The following MPP2 variants were observed in gnomAD, a reference collection of about 807,000 sequenced individuals.
MPP2 encodes the protein MAGUK p55 subfamily member 2.
In MPP2, 42 loss-of-function variants were observed where a neutral mutation model predicts 58.5. That is an observed-to-expected ratio of 0.72 (90% confidence interval 0.56 to 0.93). MPP2 has a LOEUF of 0.93. Among genes scored for constraint, MPP2 ranks in the 40% least tolerant of loss-of-function variants. MPP2 has a pLI of 0.00. For synonymous variants in MPP2, 300 were observed against 307.8 expected, an observed-to-expected ratio of 0.97 and a Z score of 0.26; for missense variants, 632 against 760.4, an observed-to-expected ratio of 0.83 and a Z score of 1.99.
At chr17:43,909,619 C>T (rs2048386286), upstream of MPP2, 2 of 1,470,402 alleles carry the variant, frequency 1.4e-6, no homozygotes, top group Non-Finnish European at 1.8e-6. Flanking sequence ...TTCTGGCCCA[C>T]CTGGGGAGGT....
chr17:43,908,114 G>C (rs2143824734), upstream of MPP2, among the ~76,000 whole-genome samples: 2 of 152,290 alleles, frequency 1.3e-5, no homozygotes, highest in East Asian at 3.9e-4. Context: ...GCCTCTTTTA[G>C]GTCTAGGTGA....
At chr17:43,902,057 A>G (rs1002017856) in intron 2 of MPP2, among the ~76,000 whole-genome samples, 3 of 152,186 alleles carry the variant, frequency 2.0e-5, no homozygotes, top group African/African-American at 4.8e-5. Context: ...ACCACCAGAT[A>G]ATAAGGGGCA....
chr17:43,885,937 C>G (rs1226941815), intron 3 of MPP2, among the ~76,000 whole-genome samples: 1 of 151,948 alleles, frequency 6.6e-6, no homozygotes, highest in Non-Finnish European at 1.5e-5. Flanking sequence ...TGGTGAAACA[C>G]CATCTCTACC....
intron 3 of MPP2, among the ~76,000 whole-genome samples, chr17:43,894,614 A>AG (rs1249147960): frequency 9.2e-5 from 4 of 43,598 alleles, no homozygotes; most frequent in Non-Finnish European, 1.5e-4. Context: ...GAGACTCCAG[A>AG]GGAAAAAAAA....
intron 4 of MPP2, 46 bp downstream of exon 4, chr17:43,883,157 T>C (rs1275405288): frequency 6.4e-7 from 1 of 1,565,340 alleles, no homozygotes; most frequent in South Asian, 1.2e-5. Flanking sequence ...CATGCCCCAG[T>C]CCACCCACCT....
rs1233969135 is a variant in MPP2 at position 43,879,389 on chromosome 17, T to C, written c.1368A>G (p.Leu456=). 1 of 1,614,138 alleles carries C rather than the reference T, an allele frequency of 6.2e-7. No homozygotes were observed. Among genetic ancestry groups the C allele is most frequent in the African/African-American group, 1.3e-5 (1 of 75,048 alleles). Residue 456 remains leucine (L), a synonymous_variant, in exon 12 of 13, where the codon CTA becomes CTG. Transcript: ENST00000269095. This position sits in a 1 kb window ranked among gnomAD's most constrained non-coding sequence, Gnocchi z 4.1. ...LDVNPQAVKV[L]RTAEFVPYVV... ...CGTAAGGGACAAACTCGGCCGTTCGTAGCACCTTCACCGCCTGCAGAAGGA... is the reference window on the plus strand; with the variant it reads ...CGTAAGGGACAAACTCGGCCGTTCGCAGCACCTTCACCGCCTGCAGAAGGA...
Position 43,880,660 on chromosome 17 carries a change from C to A in MPP2, c.1150+31G>T, listed in dbSNP as rs2047067425. 1 of 1,572,560 alleles carries A rather than the reference C, an allele frequency of 6.4e-7. No individual in the cohort carries two copies. On this transcript the variant is annotated intron_variant, in intron 10 of 12. Transcript: ENST00000269095. The surrounding 1 kb of genome is among the most constrained non-coding windows in gnomAD (Gnocchi z 5.2). Reference sequence around the variant, plus strand: ...CCCCAGGGGAGCCCTGCTCCTTGTCCCCAACTCAGCAGGGCCCAGCTCCCA... The same window carrying A: ...CCCCAGGGGAGCCCTGCTCCTTGTCACCAACTCAGCAGGGCCCAGCTCCCA...
intron 3 of MPP2, among the ~76,000 whole-genome samples, chr17:43,896,717 G>A (rs1324632105): frequency 6.6e-6 from 1 of 152,142 alleles, no homozygotes; most frequent in Non-Finnish European, 1.5e-5. Context: ...GACATGGACA[G>A]TCGAGGTCCC....
At chr17:43,904,230 T>G (rs1177311691) in intron 2 of MPP2, among the ~76,000 whole-genome samples, 200 bp downstream of exon 2, 1 of 152,148 alleles carries the variant, frequency 6.6e-6, no homozygotes, top group Admixed American at 6.5e-5. Context: ...GTCTTATTCT[T>G]TCTCTTCTCC....
intron 3 of MPP2, chr17:43,884,279 GATC>G (rs1226224555): frequency 3.4e-6 from 2 of 588,374 alleles, no homozygotes; most frequent in Non-Finnish European, 6.0e-6. Context: ...TCTAATTGAT[GATC>G]ATATGTTGTA....
intron 2 of MPP2, chr17:43,901,525 C>T: frequency 1.0e-6 from 1 of 985,468 alleles, no homozygotes; most frequent in Non-Finnish European, 1.2e-6. Context: ...GGTACTGCAG[C>T]CTCCACTCAG....
At chr17:43,909,048 CCTTCTT>C (rs375218017), upstream of MPP2, among the ~76,000 whole-genome samples, 2 of 151,930 alleles carry the variant, frequency 1.3e-5, no homozygotes, top group African/African-American at 4.8e-5. Context: ...GCTAGAAAAT[CCTTCTT>C]CTTCTTCTTC....
intron 3 of MPP2, among the ~76,000 whole-genome samples, chr17:43,886,137 C>A (rs1371715944): frequency 6.6e-6 from 1 of 151,782 alleles, no homozygotes; most frequent in African/African-American, 2.4e-5. Context: ...AATATATTGC[C>A]CTTTCTTACA....
intron 3 of MPP2, among the ~76,000 whole-genome samples, chr17:43,887,483 G>A (rs1451762616): frequency 6.6e-6 from 1 of 151,460 alleles, no homozygotes; most frequent in Non-Finnish European, 1.5e-5. Flanking sequence ...TTAAGGGAGG[G>A]CTTTTCCCAT....
rs934194540 is a variant in MPP2, at chr17:43,904,478, C to T, written c.-18G>A. 2 of 1,614,002 alleles carry T rather than the reference C, an allele frequency of 1.2e-6. No individual in the cohort carries two copies. Among genetic ancestry groups the T allele is most frequent in the African/African-American group, 1.3e-5 (1 of 75,050 alleles). On this transcript the variant is annotated 5_prime_UTR_variant, in exon 2 of 13. Transcript: ENST00000269095. ...ACCGGCATGGTGAAGGAGGCAAGGGCTCTGAAACGTCTCTCCTGGAGAGGG... is the reference window on the plus strand; with the variant it reads ...ACCGGCATGGTGAAGGAGGCAAGGGTTCTGAAACGTCTCTCCTGGAGAGGG...
intron 4 of MPP2, 28 bp from the exon 5 acceptor site, chr17:43,883,080 A>G (rs749115304): frequency 6.3e-7 from 1 of 1,596,418 alleles, no homozygotes; most frequent in Non-Finnish European, 8.5e-7. Flanking sequence ...GAGAAGGGAC[A>G]ATGGGGCAGT....
In MPP2 at chr17:43,880,773, A is replaced by C. The variant is rs761241576; in HGVS notation, c.1068T>G (p.Ile356Met). 1 of 1,613,910 alleles carries C rather than the reference A, an allele frequency of 6.2e-7. No individual in the cohort carries two copies. The highest frequency in any genetic ancestry group is 8.5e-7 in the Non-Finnish European group (1 of 1,179,946). Residue 356 changes from isoleucine to methionine, a missense_variant, in exon 10 of 13, where the codon ATT (isoleucine) becomes ATG (methionine). Physicochemically the swap from Ile to Met is conservative, Grantham distance 10 (BLOSUM62 1). Transcript: ENST00000269095. The surrounding 1 kb of genome is among the most constrained non-coding windows in gnomAD (Gnocchi z 5.2). ...PPFRRKTLVL[I>M]GAQGVGRRSL... ...TGCGCCGTCCCACGCCCTGAGCCCC[A>C]ATCAGTACCAGGGTTTTCCGGCGGA...
Position 43,876,696 on chromosome 17 carries a change from A to C in MPP2, c.*1111T>G, listed in dbSNP as rs2046852711. The C allele has an allele frequency of 1.3e-5, 2 of 152,416 alleles. No homozygotes were observed. The highest frequency in any genetic ancestry group is 4.8e-5 in the African/African-American group (2 of 41,460). The allele number at this position is 152,416 out of a possible 1,614,324, so 9.4% of individuals were successfully genotyped here. On this transcript the variant is annotated 3_prime_UTR_variant, in exon 13 of 13. Transcript: ENST00000269095. ...ACACACATACACACAACCTGGTGCC[A>C]GAGGCACAGACAGGTGCCGAACATG...
rs1354223945 is a variant in MPP2 at position 43,881,354 on chromosome 17, A to G, written c.814-5T>C. 1.2e-6 allele frequency: 2 copies of G among 1,613,894 alleles called. No individual in the cohort carries two copies. Among genetic ancestry groups the G allele is most frequent in the African/African-American group, 1.3e-5 (1 of 74,872 alleles). The stretch of plus-strand genomic sequence containing the variant: ...GCCCCCTTCGACATGGCATGCCTAA[A>G]ACGGACATGAGACCAAGATCTGCCT... On this transcript the variant is annotated splice_polypyrimidine_tract_variant and splice_region_variant and intron_variant, in intron 7 of 12. Transcript: ENST00000269095.
Sources: gnomAD v4.1 joint callset for allele counts (sites outside exome capture counted in the v4.1 genomes callset) on GRCh38, gnomAD v4.1.1 for gene constraint, Gnocchi (gnomAD v3.1) non-coding constraint, MANE v1.5 for transcripts, NCBI Gene and HGNC (gene_info 2026-07-23, HGNC 2026-07-21) for gene names.